GTF2IRD1: variants seen among roughly 807,000 people sequenced by gnomAD.
GTF2IRD1 encodes the protein general transcription factor II-I repeat domain-containing protein 1.
In GTF2IRD1, 26 loss-of-function variants were observed where a neutral mutation model predicts 113.2. That is an observed-to-expected ratio of 0.23 (90% CI 0.17 to 0.32). The LOEUF (loss-of-function observed/expected upper bound fraction) is 0.32, where lower values mean the gene tolerates loss of function less well. GTF2IRD1 is among the 10% of genes least tolerant of loss of function. GTF2IRD1 has a pLI of 1.00. For missense variants in GTF2IRD1, 864 were observed against 1,280.8 expected (o/e 0.67, Z 4.97); for synonymous variants, 484 against 529.1 (o/e 0.91, Z 1.17).
chr7:74,540,761 C>A (rs1554351505), intron 14 of GTF2IRD1, among the ~76,000 whole-genome samples: 1 of 151,836 alleles, frequency 6.6e-6, no homozygotes, highest in African/African-American at 2.4e-5. Flanking sequence ...TCAGCCTGGG[C>A]AACATAGAGA....
chr7:74,520,279 G>T (rs1434849113), intron 6 of GTF2IRD1, among the ~76,000 whole-genome samples: 1 of 151,920 alleles, frequency 6.6e-6, no homozygotes, highest in Non-Finnish European at 1.5e-5. Context: ...GGGGGAAGTA[G>T]GTCCTGGAAG....
At chr7:74,526,804 G>A (rs1797628361) in intron 8 of GTF2IRD1, among the ~76,000 whole-genome samples, 2 of 152,158 alleles carry the variant, frequency 1.3e-5, no homozygotes, top group African/African-American at 4.8e-5. Flanking sequence ...GGAGGTGGGG[G>A]GGAAGTGGGG....
At chr7:74,528,853 G>A (rs1379695942) in intron 8 of GTF2IRD1, among the ~76,000 whole-genome samples, 1 of 149,950 alleles carries the variant, frequency 6.7e-6, no homozygotes, top group Non-Finnish European at 1.5e-5. Context: ...ATGAAAGGAT[G>A]GATGGATGAA....
intron 26 of GTF2IRD1, 141 bp downstream of exon 26, chr7:74,601,321 G>A: frequency 6.5e-7 from 1 of 1,539,574 alleles, no homozygotes; most frequent in Non-Finnish European, 8.7e-7. Context: ...GGCCTCGGGG[G>A]TTATAGATGC....
intron 16 of GTF2IRD1, 148 bp downstream of exon 16, chr7:74,545,957 T>C: frequency 1.5e-6 from 1 of 682,240 alleles, no homozygotes; most frequent in Admixed American, 2.2e-5. Context: ...AGGGAGGAGC[T>C]GGGACCCATC....
At chr7:74,482,703 C>T (rs782141931) in intron 1 of GTF2IRD1, among the ~76,000 whole-genome samples, 1 of 152,130 alleles carries the variant, frequency 6.6e-6, no homozygotes, top group Non-Finnish European at 1.5e-5. Flanking sequence ...CGATAACCGC[C>T]GTTCCATCTC....
chr7:74,540,013 C>A, intron 14 of GTF2IRD1, 45 bp downstream of exon 14: 2 of 1,425,492 alleles, frequency 1.4e-6, no homozygotes, highest in Non-Finnish European at 2.0e-6. Flanking sequence ...CTCAGCTCTC[C>A]AGGGAGCAAA....
intron 1 of GTF2IRD1, among the ~76,000 whole-genome samples, chr7:74,469,028 T>A (rs368016929): frequency 2.0e-5 from 3 of 148,916 alleles, no homozygotes. Context: ...GAGCTTGCAG[T>A]GAACCGAGAT....
chr7:74,539,839 A>G, intron 13 of GTF2IRD1, 40 bp from the exon 14 acceptor site: 1 of 1,412,804 alleles, frequency 7.1e-7, no homozygotes, highest in Non-Finnish European at 1.0e-6. Flanking sequence ...GGAGTATGAC[A>G]GGCAGAAGAT....
intron 1 of GTF2IRD1, 56 bp from the exon 2 acceptor site, chr7:74,508,019 T>C: frequency 6.4e-7 from 1 of 1,555,764 alleles, no homozygotes; most frequent in East Asian, 2.3e-5. Flanking sequence ...GCAGCCACCA[T>C]ATGAGACAAG....
rs1554348251 is a variant in GTF2IRD1, at chr7:74,529,770, C to T, written c.1127C>T (p.Pro376Leu). ...GGCCTGGACCACATGGTCCCCGTGC[C>T]CTACCGGAAGATTGCCTGTGACCCG... ...ALGLDHMVPVPYRKIACDPEA... is the reference protein window; with the variant it reads ...ALGLDHMVPVLYRKIACDPEA... The change falls in exon 9 of 27, where the codon CCC (proline) becomes CTC (leucine). Residue 376 changes from proline to leucine, a missense_variant. By Grantham distance (98) the Pro-to-Leu change is moderately conservative. Coordinates refer to ENST00000424337, the MANE Select transcript of GTF2IRD1 (RefSeq NM_005685.4). 2 of 1,613,966 alleles carry T rather than the reference C, an allele frequency of 1.2e-6. No homozygotes were observed. The highest frequency in any genetic ancestry group is 1.7e-6 in the Non-Finnish European group (2 of 1,180,006).
chr7:74,503,090 C>G (rs1288253966), intron 1 of GTF2IRD1, among the ~76,000 whole-genome samples: 1 of 151,340 alleles, frequency 6.6e-6, no homozygotes, highest in South Asian at 2.1e-4. Flanking sequence ...TCACTTGAAC[C>G]TGGGAGGTGG....
At chr7:74,534,951 A>G (rs1440581406) in intron 9 of GTF2IRD1, among the ~76,000 whole-genome samples, 162 bp from the exon 10 acceptor site, 2 of 152,134 alleles carry the variant, frequency 1.3e-5, no homozygotes, top group African/African-American at 4.8e-5. Flanking sequence ...GAGGTTCCAG[A>G]CATGCCCTCT....
chr7:74,556,649 A>G (rs1554356989), intron 19 of GTF2IRD1, among the ~76,000 whole-genome samples: 3 of 109,700 alleles, frequency 2.7e-5, no homozygotes, highest in Admixed American at 2.1e-4. Flanking sequence ...TTTGAGACAG[A>G]GTCTTGCTCT....
rs184969387 is a variant in GTF2IRD1 at position 74,471,855 on chromosome 7, G to A, written c.-7+17679G>A. On this transcript the variant is annotated intron_variant, in intron 1 of 26. Coordinates refer to ENST00000424337, the MANE Select transcript of GTF2IRD1 (RefSeq NM_005685.4). The stretch of plus-strand genomic sequence containing the variant: ...AAAATTACAAAAATTAGCCAGGCAT[G>A]GTGGTGGGTGCCTGTAATCCCAGCT... 6.9e-4 allele frequency among the ~76,000 whole-genome samples: 105 copies of A among 151,314 alleles called. 1 individual carries two copies. Among genetic ancestry groups the A allele is most frequent in the Non-Finnish European group, 1.2e-3 (83 of 67,784 alleles).
chr7:74,584,115 C>G (rs150079900), intron 22 of GTF2IRD1, among the ~76,000 whole-genome samples: 1 of 152,126 alleles, frequency 6.6e-6, no homozygotes, highest in African/African-American at 2.4e-5. Context: ...GCAATAGGGT[C>G]TGTGGCCTGT....
rs1796714927 is a variant in GTF2IRD1, at chr7:74,512,857, G to A, written c.151G>A (p.Glu51Lys). The A allele has an allele frequency of 1.2e-6, 2 of 1,614,106 alleles. No homozygotes were observed. The highest frequency in any genetic ancestry group is 1.7e-6 in the Non-Finnish European group (2 of 1,179,998). The change falls in exon 3 of 27, where the codon GAG (glutamate) becomes AAG (lysine). Residue 51 changes from glutamate to lysine, a missense_variant. Coordinates refer to ENST00000424337, the MANE Select transcript of GTF2IRD1 (RefSeq NM_005685.4). The surrounding 1 kb of genome is among the most constrained non-coding windows in gnomAD (Gnocchi z 4.4). ...CTCAGCGCTGTCCAAACTGAACGCCGAGGTGGCCTGTGTCGCCGTGCACGA... is the reference window on the plus strand; with the variant it reads ...CTCAGCGCTGTCCAAACTGAACGCCAAGGTGGCCTGTGTCGCCGTGCACGA... ...MCSALSKLNA[E>K]VACVAVHDES...
In GTF2IRD1 at chr7:74,535,838, C is replaced by T. The variant is rs147725350; in HGVS notation, c.1301-329C>T. On this transcript the variant is annotated intron_variant, in intron 10 of 26. Transcript: ENST00000424337. ...TTGTGATGCAGCCATGGGGAAGCCC[C>T]GGCCCTTTTCTGAGGGCTCAGCCCC... is the stretch of plus-strand genomic sequence containing the variant. 2.4e-3 allele frequency among the ~76,000 whole-genome samples: 367 copies of T among 152,326 alleles called. 1 individual carries two copies. The highest frequency in any genetic ancestry group is 3.7e-3 in the Non-Finnish European group (252 of 68,020).
intron 8 of GTF2IRD1, among the ~76,000 whole-genome samples, chr7:74,526,968 C>T (rs1797638135): frequency 6.6e-6 from 1 of 152,106 alleles, no homozygotes; most frequent in African/African-American, 2.4e-5. Flanking sequence ...CAAGGGAGGG[C>T]CCAAGCAGGG....
Sources: allele counts gnomAD v4.1 joint callset (sites outside exome capture counted in the v4.1 genomes callset), GRCh38; gene constraint gnomAD v4.1.1; non-coding constraint Gnocchi (gnomAD v3.1); transcripts MANE v1.5; gene names NCBI Gene and HGNC (gene_info 2026-07-23, HGNC 2026-07-21).